The following DCHS2 variants were observed in gnomAD, a reference collection of about 807,000 sequenced individuals.
DCHS2 encodes the protein dachsous cadherin-related 2.
In DCHS2, 142 loss-of-function variants were observed where a neutral mutation model predicts 182.4. That is an observed-to-expected ratio of 0.78 (90% CI 0.68 to 0.89). The LOEUF (loss-of-function observed/expected upper bound fraction) is 0.89, where lower values mean the gene tolerates loss of function less well. Among genes scored for constraint, DCHS2 ranks in the 40% least tolerant of loss-of-function variants. DCHS2 has a pLI of 0.00. For missense variants in DCHS2, 4,319 were observed against 4,198.6 expected, an observed-to-expected ratio of 1.03 and a Z score of -0.79; for synonymous variants, 1,740 against 1,663.3, an observed-to-expected ratio of 1.05 and a Z score of -1.12.
intron 13 of DCHS2, among the ~76,000 whole-genome samples, chr4:154,286,576 G>A (rs1485655988): frequency 6.6e-6 from 1 of 151,866 alleles, no homozygotes; most frequent in African/African-American, 2.4e-5. Flanking sequence ...ACTTAAGAAT[G>A]CATTACAGTC....
rs887906150 is a variant in DCHS2 at position 154,304,878 on chromosome 4, A to C, written c.5396T>G (p.Val1799Gly). The change falls in exon 12 of 20, where the codon GTA (valine) becomes GGA (glycine). Residue 1799 changes from valine to glycine, a missense_variant and splice_region_variant. Val to Gly is a moderately radical substitution (Grantham distance 109). Transcript: ENST00000357232. ...REIQEVFTLR[V>G]LVRDGGFPSL... ...AGGGAATCCCCCATCTCGTACTAGT[A>C]CTGACACAGAACACAAAGACGGTAT... is the stretch of plus-strand genomic sequence containing the variant. 1 of 1,605,546 alleles carries C rather than the reference A, an allele frequency of 6.2e-7. No homozygotes were observed. The highest frequency in any genetic ancestry group is 8.5e-7 in the Non-Finnish European group (1 of 1,176,078).
intron 13 of DCHS2, among the ~76,000 whole-genome samples, chr4:154,279,785 C>T (rs561238882): frequency 1.4e-3 from 213 of 151,722 alleles, no homozygotes; most frequent in African/African-American, 4.7e-3. Context: ...GAAGAAAGAT[C>T]TCAAATTAAC....
chr4:154,265,254 T>C (rs1465692247), intron 14 of DCHS2, among the ~76,000 whole-genome samples: 1 of 152,188 alleles, frequency 6.6e-6, no homozygotes, highest in Non-Finnish European at 1.5e-5. Flanking sequence ...AAGCATAATG[T>C]ACTTAGGAGA....
intron 1 of DCHS2, among the ~76,000 whole-genome samples, chr4:154,382,245 G>T (rs1419585686): frequency 6.6e-6 from 1 of 151,994 alleles, no homozygotes; most frequent in Non-Finnish European, 1.5e-5. Context: ...GATTGAAACT[G>T]GTTGCCCACC....
chr4:154,391,078 C>A (rs1161160910), intron 1 of DCHS2: 28 of 1,132,204 alleles, frequency 2.5e-5, no homozygotes, highest in Admixed American at 1.2e-4. Context: ...GAAGTAAATT[C>A]TTTGGCCAGT....
chr4:154,436,740 A>T (rs1733796489), intron 1 of DCHS2, among the ~76,000 whole-genome samples: 1 of 152,210 alleles, frequency 6.6e-6, no homozygotes, highest in African/African-American at 2.4e-5. Context: ...TTTATGGTTC[A>T]ATATGGTAGC....
chr4:154,472,971 T>C (rs1735536229), intron 1 of DCHS2, among the ~76,000 whole-genome samples: 1 of 152,178 alleles, frequency 6.6e-6, no homozygotes, highest in Non-Finnish European at 1.5e-5. Context: ...GTAAAATTAA[T>C]CCATGTGAAG....
intron 16 of DCHS2, among the ~76,000 whole-genome samples, chr4:154,249,161 T>A (rs988827524): frequency 1.3e-5 from 2 of 152,092 alleles, no homozygotes; most frequent in Non-Finnish European, 2.9e-5. Context: ...ACCTACAGAA[T>A]GAGAGAAAAT....
At chr4:154,278,471 C>CA (rs144490752) in intron 13 of DCHS2, among the ~76,000 whole-genome samples, 3,239 of 151,794 alleles carry the variant, frequency 0.021, 109 homozygotes, top group South Asian at 0.14. Flanking sequence ...GAAACAATGG[C>CA]AAAAAAGTCC....
chr4:154,321,376 C>T (rs1237084552), intron 8 of DCHS2, among the ~76,000 whole-genome samples, 154 bp from the exon 9 acceptor site: 1 of 151,886 alleles, frequency 6.6e-6, no homozygotes, highest in East Asian at 1.9e-4. Context: ...TATATAATTC[C>T]AGTATGTCTC....
chr4:154,262,357 G>T (rs917766491), intron 14 of DCHS2, among the ~76,000 whole-genome samples: 3 of 152,082 alleles, frequency 2.0e-5, no homozygotes, highest in African/African-American at 7.2e-5. Flanking sequence ...ATTTTTCCTT[G>T]GATAATACAT....
In DCHS2 at chr4:154,428,323, T is replaced by C. The variant is rs549640636; in HGVS notation, c.2053-50879A>G. 2.6e-5 allele frequency among the ~76,000 whole-genome samples: 4 copies of C among 152,242 alleles called. No homozygotes were observed. In the East Asian group the frequency reaches 5.8e-4, roughly 22 times the overall value. ...TGGAAGTTGAGGCGGGAGGATTGTT[T>C]GAGGCCAAGAGTTCAAGACCAGCTT... On this transcript the variant is annotated intron_variant, in intron 1 of 19. Coordinates refer to ENST00000357232, the MANE Select transcript of DCHS2 (RefSeq NM_001358235.2).
intron 15 of DCHS2, among the ~76,000 whole-genome samples, chr4:154,256,372 C>T (rs1309477886): frequency 3.3e-5 from 5 of 151,978 alleles, no homozygotes; most frequent in Non-Finnish European, 7.4e-5. Flanking sequence ...TGGGCTCAAG[C>T]GATCCACCTG....
chr4:154,234,776 G>T lies in DCHS2; in HGVS notation c.9876C>A (p.Val3292=), dbSNP rs1731372232. The T allele has an allele frequency of 8.7e-6, 14 of 1,613,922 alleles. No individual in the cohort carries two copies. Among genetic ancestry groups the T allele is most frequent in the Non-Finnish European group, 1.1e-5 (13 of 1,179,942 alleles). Residue 3292 remains valine, a synonymous_variant, in exon 20 of 20, where the codon GTC becomes GTA. Coordinates refer to ENST00000357232, the MANE Select transcript of DCHS2 (RefSeq NM_001358235.2). The part of the protein sequence containing the change: ...TAVAQPGIKA[V]PPRMPAVNLG... ...GGTTTACTGCCGGCATTCTTGGTGGGACTGCTTTAATCCCAGGCTGGGCTA... is the reference window on the plus strand; with the variant it reads ...GGTTTACTGCCGGCATTCTTGGTGGTACTGCTTTAATCCCAGGCTGGGCTA...
At position 154,432,455 on chromosome 4, in the gene DCHS2, A is replaced by G. The variant is rs1402840485; in HGVS notation, c.2053-55011T>C. On this transcript the variant is annotated intron_variant, in intron 1 of 19. Transcript: ENST00000357232. ...GTTGTGTTGTAATAACAACTATTTCAAATAAACCATGATGACATATAAGTT... is the reference window on the plus strand; with the variant it reads ...GTTGTGTTGTAATAACAACTATTTCGAATAAACCATGATGACATATAAGTT... 3.9e-5 allele frequency among the ~76,000 whole-genome samples: 6 copies of G among 152,194 alleles called. No individual in the cohort carries two copies. In the East Asian group the frequency reaches 1.2e-3, roughly 29 times the overall value.
chr4:154,382,957 TACC>T (rs1330679097), intron 1 of DCHS2, among the ~76,000 whole-genome samples: 1 of 152,164 alleles, frequency 6.6e-6, no homozygotes, highest in Non-Finnish European at 1.5e-5. Flanking sequence ...ATTAAAGAAC[TACC>T]ATTCGAACAA....
In DCHS2 at chr4:154,298,176, A is replaced by G; in HGVS notation, c.6138T>C (p.Phe2046=). The part of the protein sequence containing the change: ...PVLEQNPFDV[F]LSPESPTNQT... ...GGTTTGTAGGCGACTCGGGGGAAAG[A>G]AACACATCAAAAGGGTTCTGTTCCA... Residue 2046 remains phenylalanine, a synonymous_variant, in exon 13 of 20, where the codon TTT becomes TTC. Coordinates refer to ENST00000357232, the MANE Select transcript of DCHS2 (RefSeq NM_001358235.2). The G allele has an allele frequency of 6.2e-7, 1 of 1,614,130 alleles. No homozygotes were observed. The highest frequency in any genetic ancestry group is 8.5e-7 in the Non-Finnish European group (1 of 1,180,008).
intron 1 of DCHS2, among the ~76,000 whole-genome samples, chr4:154,487,848 C>G (rs1309818663): frequency 1.3e-5 from 2 of 152,158 alleles, no homozygotes; most frequent in Non-Finnish European, 2.9e-5. Flanking sequence ...GTAAATAAAT[C>G]AGTCTTGGAA....
chr4:154,449,554 G>A (rs1734448469), intron 1 of DCHS2, among the ~76,000 whole-genome samples: 1 of 151,886 alleles, frequency 6.6e-6, no homozygotes. Context: ...TAATTTTTTT[G>A]TAGAGATGAG....
Sources: allele counts gnomAD v4.1 joint callset (sites outside exome capture counted in the v4.1 genomes callset), GRCh38; gene constraint gnomAD v4.1.1; transcripts MANE v1.5; gene names NCBI Gene and HGNC (gene_info 2026-07-23, HGNC 2026-07-21).